Variants in PARD3B observed in about 807,000 individuals in gnomAD.
PARD3B encodes par-3 family cell polarity regulator beta, also known as partitioning defective 3 homolog B.
In PARD3B, 103 loss-of-function variants were observed where a neutral mutation model predicts 130.2. The observed-to-expected ratio is 0.79, with a 90% confidence interval of 0.67 to 0.93. PARD3B has a LOEUF of 0.93. Ranked by LOEUF, PARD3B falls within the 40% of genes least tolerant of loss-of-function variation. The pLI, the probability that PARD3B is intolerant of heterozygous loss-of-function variation, is 0.00. For missense variants in PARD3B, 1,609 were observed against 1,499.2 expected, an observed-to-expected ratio of 1.07 and a Z score of -1.21; for synonymous variants, 583 against 553.2, an observed-to-expected ratio of 1.05 and a Z score of -0.76.
intron 1 of PARD3B, among the ~76,000 whole-genome samples, chr2:204,621,791 T>TTA (rs1395615688): frequency 6.6e-6 from 1 of 152,196 alleles, no homozygotes; most frequent in Non-Finnish European, 1.5e-5. Flanking sequence ...TAGCCATTAT[T>TTA]TAATTTATCT....
intron 1 of PARD3B, among the ~76,000 whole-genome samples, chr2:204,683,703 A>G (rs1270366049): frequency 6.6e-6 from 1 of 152,154 alleles, no homozygotes; most frequent in Admixed American, 6.5e-5. Flanking sequence ...GGTTAGGTGT[A>G]GATATATGCC....
At chr2:204,838,124 G>A (rs567486610) in intron 2 of PARD3B, among the ~76,000 whole-genome samples, 2 of 152,276 alleles carry the variant, frequency 1.3e-5, no homozygotes, top group East Asian at 1.9e-4. Context: ...CTGACTTTGT[G>A]CTGAGCAAGA....
Position 204,965,319 on chromosome 2 carries a change from A to G in PARD3B, c.390A>G (p.Lys130=), listed in dbSNP as rs1484700236. 1 of 1,613,604 alleles carries G rather than the reference A, an allele frequency of 6.2e-7. No homozygotes were observed. The highest frequency in any genetic ancestry group is 8.5e-7 in the Non-Finnish European group (1 of 1,179,692). ...GEIEVTPSAL[K]LGTPLLVRRS... is the part of the protein sequence containing the mutation. ...TTGAAGTAACCCCTTCTGCTCTAAA[A>G]CTAGGTATGTGTAATGTTTATGATA... is the stretch of plus-strand genomic sequence containing the variant. The change falls in exon 3 of 23, where the codon AAA becomes AAG. Residue 130 remains lysine, a synonymous_variant. Transcript: ENST00000406610.
chr2:205,294,695 A>G (rs1476334167), intron 16 of PARD3B, among the ~76,000 whole-genome samples: 4 of 152,166 alleles, frequency 2.6e-5, no homozygotes, highest in Non-Finnish European at 4.4e-5. Context: ...TCATTATTGA[A>G]CATTTTGATG....
rs1025047506 is a variant in PARD3B at position 205,366,058 on chromosome 2, A to G, written c.2631-34955A>G. On this transcript the variant is annotated intron_variant, in intron 18 of 22. Coordinates refer to ENST00000406610, the MANE Select transcript of PARD3B (RefSeq NM_001302769.2). This position sits in a 1 kb window ranked among gnomAD's most constrained non-coding sequence, Gnocchi z 5.0. Reference sequence around the variant, plus strand: ...ATCCTATCTATCTACCCACCCACCCATCTATCCCCCCACTCATCCATCCAT... The same window carrying G: ...ATCCTATCTATCTACCCACCCACCCGTCTATCCCCCCACTCATCCATCCAT... Among the ~76,000 whole-genome samples the G allele has an allele frequency of 2.7e-5, 4 of 149,956 alleles. No individual in the cohort carries two copies. Among genetic ancestry groups the G allele is most frequent in the Admixed American group, 1.3e-4 (2 of 15,040 alleles).
chr2:204,568,839 C>T (rs567771730), intron 1 of PARD3B, among the ~76,000 whole-genome samples: 3 of 151,568 alleles, frequency 2.0e-5, no homozygotes, highest in African/African-American at 7.3e-5. Context: ...CCTTTAATCC[C>T]GACTACTCGG....
intron 2 of PARD3B, among the ~76,000 whole-genome samples, chr2:204,917,292 C>T (rs2047482968): frequency 6.6e-6 from 1 of 152,234 alleles, no homozygotes; most frequent in Non-Finnish European, 1.5e-5. Flanking sequence ...TGAGGAATGA[C>T]AAGGTCTTGT....
intron 16 of PARD3B, chr2:205,293,918 A>G (rs2041698008): frequency 6.6e-6 from 1 of 152,150 alleles, no homozygotes; most frequent in African/African-American, 2.4e-5. Flanking sequence ...AAGGTAGGTA[A>G]CATTTTTTGA....
intron 21 of PARD3B, among the ~76,000 whole-genome samples, chr2:205,508,408 T>C (rs2050457161): frequency 6.6e-6 from 1 of 151,908 alleles, no homozygotes; most frequent in South Asian, 2.1e-4. Flanking sequence ...CCTTTCTCTA[T>C]GAAAAATACC....
rs1444586475 is a variant in PARD3B, at chr2:204,673,436, G to C, written c.121-12745G>C. Among the ~76,000 whole-genome samples, 7 of 152,158 alleles carry C rather than the reference G, an allele frequency of 4.6e-5. No individual in the cohort carries two copies. Among genetic ancestry groups the C allele is most frequent in the Admixed American group, 4.6e-4 (7 of 15,276 alleles). On this transcript the variant is annotated intron_variant, in intron 1 of 22. Coordinates refer to ENST00000406610, the MANE Select transcript of PARD3B (RefSeq NM_001302769.2). The surrounding 1 kb of genome is among the most constrained non-coding windows in gnomAD (Gnocchi z 4.7). ...GTGGTTACTACCACTTGGTGTTTTT[G>C]CATCTCCACCAAGTTTATTCAACCT...
rs574425295 is a variant in PARD3B at position 205,521,146 on chromosome 2, C to G, written c.3180+21115C>G. 6.2e-3 allele frequency among the ~76,000 whole-genome samples: 935 copies of G among 151,794 alleles called. 6 individuals are homozygous for G. Among genetic ancestry groups the G allele is most frequent in the African/African-American group, 0.021 (878 of 41,440 alleles). On this transcript the variant is annotated intron_variant, in intron 21 of 22. Coordinates refer to ENST00000406610, the MANE Select transcript of PARD3B (RefSeq NM_001302769.2). The stretch of plus-strand genomic sequence containing the variant: ...ACAAATACTAATGGTCTGTTTTATA[C>G]AGCTTTTAGAGCAACCCTATTAAAA...
chr2:205,374,074 AG>A (rs2044932263), intron 18 of PARD3B, among the ~76,000 whole-genome samples: 1 of 152,130 alleles, frequency 6.6e-6, no homozygotes, highest in African/African-American at 2.4e-5. Flanking sequence ...TGAGAAAGCC[AG>A]GAGGCTGAAA....
rs1310990093 is a variant in PARD3B at position 205,015,070 on chromosome 2, C to T, written c.395-32511C>T. 6.6e-6 allele frequency among the ~76,000 whole-genome samples: 1 copy of T among 152,154 alleles called. No individual in the cohort carries two copies. The highest frequency in any genetic ancestry group is 1.5e-5 in the Non-Finnish European group (1 of 68,032). ...GTATAACTTGCAACTCCCCAAAAAACTTAACTACTAATACCTATTGTTGAC... is the reference window on the plus strand; with the variant it reads ...GTATAACTTGCAACTCCCCAAAAAATTTAACTACTAATACCTATTGTTGAC... On this transcript the variant is annotated intron_variant, in intron 3 of 22. Coordinates refer to ENST00000406610, the MANE Select transcript of PARD3B (RefSeq NM_001302769.2). This position sits in a 1 kb window ranked among gnomAD's most constrained non-coding sequence, Gnocchi z 4.5.
chr2:205,483,269 A>G (rs1247523168), intron 20 of PARD3B, among the ~76,000 whole-genome samples: 1 of 152,184 alleles, frequency 6.6e-6, no homozygotes, highest in East Asian at 1.9e-4. Context: ...TGTACTGAGC[A>G]TTCAGTATGC....
intron 2 of PARD3B, among the ~76,000 whole-genome samples, chr2:204,729,279 A>G (rs1371362748): frequency 2.0e-5 from 3 of 152,188 alleles, no homozygotes; most frequent in Non-Finnish European, 2.9e-5. Flanking sequence ...TCTTTTCTAC[A>G]TTGATACTGA....
intron 1 of PARD3B, among the ~76,000 whole-genome samples, chr2:204,594,312 C>T (rs2033197119): frequency 6.6e-6 from 1 of 152,294 alleles, no homozygotes; most frequent in South Asian, 2.1e-4. Flanking sequence ...GAGAAACAGG[C>T]AATGCCTATT....
intron 13 of PARD3B, among the ~76,000 whole-genome samples, chr2:205,179,851 AC>A (rs201372994): frequency 2.0e-5 from 3 of 150,516 alleles, no homozygotes; most frequent in African/African-American, 7.4e-5. Flanking sequence ...CATCCAGAAA[AC>A]AAAAAATAAG....
chr2:204,686,196 G>A lies in PARD3B; in HGVS notation c.136G>A (p.Val46Met). ...KTREKGPGYWVKIHHLEYTDG... is the reference protein window; with the variant it reads ...KTREKGPGYWMKIHHLEYTDG... Reference sequence around the variant, plus strand: ...TCTACTATAGGGTCCTGGTTACTGGGTGAAGATTCATCACTTAGAATATAC... The same window carrying A: ...TCTACTATAGGGTCCTGGTTACTGGATGAAGATTCATCACTTAGAATATAC... Residue 46 changes from valine (V) to methionine (M), a missense_variant, in exon 2 of 23, where the codon GTG becomes ATG. Coordinates refer to ENST00000406610, the MANE Select transcript of PARD3B (RefSeq NM_001302769.2). 6.2e-7 allele frequency: 1 copy of A among 1,610,388 alleles called. No individual in the cohort carries two copies. The highest frequency in any genetic ancestry group is 8.5e-7 in the Non-Finnish European group (1 of 1,176,810).
At chr2:205,108,654 T>G (rs1170567226) in intron 5 of PARD3B, among the ~76,000 whole-genome samples, 1 of 152,140 alleles carries the variant, frequency 6.6e-6, no homozygotes, top group African/African-American at 2.4e-5. Flanking sequence ...CCGTTTGTCC[T>G]TCTTCAGGAA....
Sources: gnomAD v4.1 joint callset for allele counts (sites outside exome capture counted in the v4.1 genomes callset) on GRCh38, gnomAD v4.1.1 for gene constraint, Gnocchi (gnomAD v3.1) non-coding constraint, MANE v1.5 for transcripts, NCBI Gene and HGNC (gene_info 2026-07-23, HGNC 2026-07-21) for gene names.